CSMD1: variants seen among roughly 807,000 people sequenced by gnomAD.
CSMD1 encodes the protein CUB and Sushi multiple domains 1.
In CSMD1, 213 loss-of-function variants were observed where a neutral mutation model predicts 417.5. The ratio of observed to expected loss-of-function variants is 0.51; its 90% CI spans 0.46 to 0.57. The LOEUF (loss-of-function observed/expected upper bound fraction) is 0.57. Ranked by LOEUF, CSMD1 falls within the 20% of genes least tolerant of loss-of-function variation. The pLI, the probability that CSMD1 is intolerant of heterozygous loss-of-function variation, is 0.00. For missense variants in CSMD1, 6,923 were observed against 4,529.7 expected (o/e 1.53, Z -15.17); for synonymous variants, 2,862 against 1,736.8 (o/e 1.65, Z -16.11).
At chr8:4,002,658 T>A (rs1815779982) in intron 4 of CSMD1, among the ~76,000 whole-genome samples, 1 of 152,234 alleles carries the variant, frequency 6.6e-6, no homozygotes, top group African/African-American at 2.4e-5. Context: ...ATAAAAGCTT[T>A]GCTGACAGAA....
chr8:3,576,661 G>C (rs996633349), intron 9 of CSMD1, among the ~76,000 whole-genome samples: 1 of 152,180 alleles, frequency 6.6e-6, no homozygotes. Flanking sequence ...AACTCAGTAG[G>C]TGTGTCATTG....
chr8:4,801,429 C>A (rs1271005719), intron 1 of CSMD1, among the ~76,000 whole-genome samples: 1 of 151,798 alleles, frequency 6.6e-6, no homozygotes, highest in Admixed American at 6.6e-5. Flanking sequence ...GGCCAGTCAG[C>A]TACTCTTAGC....
intron 5 of CSMD1, among the ~76,000 whole-genome samples, chr8:3,986,330 G>A (rs938837965): frequency 2.0e-5 from 3 of 152,244 alleles, no homozygotes; most frequent in Middle Eastern, 3.4e-3. Context: ...CTTCTAGGGT[G>A]TTCATTGAAA....
chr8:3,431,550 C>T (rs1199361320), intron 12 of CSMD1, among the ~76,000 whole-genome samples: 1 of 152,116 alleles, frequency 6.6e-6, no homozygotes, highest in African/African-American at 2.4e-5. Context: ...TCTTCCATCC[C>T]TTGTATGAGA....
intron 3 of CSMD1, among the ~76,000 whole-genome samples, chr8:4,253,155 C>G (rs1424019335): frequency 6.6e-6 from 1 of 152,158 alleles, no homozygotes; most frequent in East Asian, 1.9e-4. Context: ...AAACGATAAA[C>G]TCATTAGGAA....
intron 5 of CSMD1, among the ~76,000 whole-genome samples, chr8:3,895,517 T>A (rs1461323760): frequency 6.6e-6 from 1 of 152,238 alleles, no homozygotes; most frequent in East Asian, 1.9e-4. Flanking sequence ...AGTGTATCTA[T>A]CCTTAGGGAA....
intron 1 of CSMD1, among the ~76,000 whole-genome samples, chr8:4,886,878 G>C (rs527900796): frequency 8.4e-4 from 128 of 151,974 alleles, no homozygotes; most frequent in Middle Eastern, 6.8e-3. Context: ...GCTTTAATTG[G>C]AAAGTCTATT....
intron 52 of CSMD1, among the ~76,000 whole-genome samples, chr8:3,006,455 G>A (rs146425816): frequency 0.13 from 20,166 of 151,774 alleles, 3,057 homozygotes; most frequent in African/African-American, 0.37. Flanking sequence ...AAAAGAGCCC[G>A]AATCACCAAG....
At chr8:4,020,446 T>A (rs772381100) in intron 4 of CSMD1, among the ~76,000 whole-genome samples, 1 of 152,220 alleles carries the variant, frequency 6.6e-6, no homozygotes, top group Non-Finnish European at 1.5e-5. Flanking sequence ...CTATTGATAT[T>A]ATAGGATAGG....
intron 29 of CSMD1, among the ~76,000 whole-genome samples, chr8:3,214,963 T>A (rs2116820537): frequency 6.6e-6 from 1 of 152,318 alleles, no homozygotes; most frequent in African/African-American, 2.4e-5. Flanking sequence ...TTCATCTACA[T>A]AAAAAATACA....
intron 2 of CSMD1, among the ~76,000 whole-genome samples, chr8:4,522,065 C>G (rs1421148419): frequency 2.0e-5 from 3 of 152,152 alleles, no homozygotes; most frequent in African/African-American, 2.4e-5. Context: ...CCACCCAAAT[C>G]TCATCTAGAA....
intron 12 of CSMD1, among the ~76,000 whole-genome samples, chr8:3,431,515 C>A (rs774476811): frequency 1.3e-5 from 2 of 152,136 alleles, no homozygotes; most frequent in Non-Finnish European, 2.9e-5. Flanking sequence ...CATCCCCATG[C>A]CTTTTTTCCA....
At chr8:4,767,991 G>A (rs1486337371) in intron 1 of CSMD1, among the ~76,000 whole-genome samples, 1 of 152,110 alleles carries the variant, frequency 6.6e-6, no homozygotes, top group Non-Finnish European at 1.5e-5. Flanking sequence ...TGTGGAGCAT[G>A]GTGGGCATTC....
intron 25 of CSMD1, among the ~76,000 whole-genome samples, chr8:3,302,312 T>C (rs917713853): frequency 6.6e-6 from 1 of 152,202 alleles, no homozygotes; most frequent in Non-Finnish European, 1.5e-5. Flanking sequence ...GAGTCACTTC[T>C]TCTGGAATAT....
intron 1 of CSMD1, among the ~76,000 whole-genome samples, chr8:4,974,453 G>T (rs1256950557): frequency 6.6e-6 from 1 of 152,018 alleles, no homozygotes; most frequent in East Asian, 1.9e-4. Context: ...AATTTTAGCA[G>T]ACACAGGCTA....
intron 2 of CSMD1, among the ~76,000 whole-genome samples, chr8:4,441,254 C>T (rs6993425): frequency 7.1e-6 from 1 of 140,420 alleles, no homozygotes; most frequent in Non-Finnish European, 1.5e-5. Flanking sequence ...CTGAGCACTA[C>T]ACTCAGTTTT....
intron 1 of CSMD1, among the ~76,000 whole-genome samples, chr8:4,974,628 A>C (rs886349357): frequency 1.3e-5 from 2 of 152,172 alleles, no homozygotes; most frequent in African/African-American, 4.8e-5. Context: ...TTCTGTATAT[A>C]ATAGCAGGAA....
intron 11 of CSMD1, among the ~76,000 whole-genome samples, chr8:3,476,687 G>A (rs1229715879): frequency 1.3e-5 from 2 of 151,926 alleles, no homozygotes; most frequent in Non-Finnish European, 2.9e-5. Context: ...TGAGGCCAAG[G>A]CGGGCAGATT....
At chr8:4,684,000 A>C (rs1442711389) in intron 1 of CSMD1, among the ~76,000 whole-genome samples, 1 of 152,242 alleles carries the variant, frequency 6.6e-6, no homozygotes, top group Non-Finnish European at 1.5e-5. Flanking sequence ...TCACTGACTG[A>C]GTATTGCTCA....
Sources: gnomAD v4.1 joint callset for allele counts (sites outside exome capture counted in the v4.1 genomes callset) on GRCh38, gnomAD v4.1.1 for gene constraint, MANE v1.5 for transcripts, NCBI Gene and HGNC (gene_info 2026-07-23, HGNC 2026-07-21) for gene names.